TEC: variants seen among roughly 807,000 people sequenced by gnomAD.
TEC encodes tec protein tyrosine kinase, also known as tyrosine-protein kinase Tec.
In TEC, 72 loss-of-function variants were observed where a neutral mutation model predicts 93.0. That is an observed-to-expected ratio of 0.77 (90% CI 0.64 to 0.94). TEC has a LOEUF of 0.94. Ranked by LOEUF, TEC falls within the 40% of genes least tolerant of loss-of-function variation. The pLI is 0.00. For missense variants in TEC, 630 were observed against 757.9 expected, an observed-to-expected ratio of 0.83 and a Z score of 1.98; for synonymous variants, 249 against 247.7, an observed-to-expected ratio of 1.01 and a Z score of -0.05.
At chr4:48,159,842 C>G (rs1342468043) in intron 8 of TEC, among the ~76,000 whole-genome samples, 1 of 152,184 alleles carries the variant, frequency 6.6e-6, no homozygotes, top group African/African-American at 2.4e-5. Context: ...TGTGCCAAGC[C>G]CAGGCTCTTT....
chr4:48,204,095 T>C (rs1013242263), intron 2 of TEC, among the ~76,000 whole-genome samples: 5 of 152,234 alleles, frequency 3.3e-5, no homozygotes, highest in African/African-American at 1.2e-4. Flanking sequence ...ACTGCTATTC[T>C]TAGCCAGGCT....
At chr4:48,259,576 C>T (rs755373438) in intron 1 of TEC, among the ~76,000 whole-genome samples, 8 of 151,942 alleles carry the variant, frequency 5.3e-5, no homozygotes, top group Non-Finnish European at 1.0e-4. Flanking sequence ...AATAGCCGGG[C>T]GTGGTGGCAC....
intron 13 of TEC, 28 bp from the exon 14 acceptor site, chr4:48,145,323 C>T (rs375204563): frequency 6.0e-5 from 96 of 1,611,884 alleles, no homozygotes; most frequent in Non-Finnish European, 7.6e-5. Flanking sequence ...TATATAGTTA[C>T]TATAGGAAAA....
At chr4:48,202,505 G>A (rs1404144605) in intron 2 of TEC, among the ~76,000 whole-genome samples, 1 of 152,098 alleles carries the variant, frequency 6.6e-6, no homozygotes, top group Non-Finnish European at 1.5e-5. Context: ...GGCAGAGGTT[G>A]TAGTGAGCCA....
At chr4:48,144,918 C>T (rs1034957682) in intron 14 of TEC, among the ~76,000 whole-genome samples, 161 bp downstream of exon 14, 13 of 152,126 alleles carry the variant, frequency 8.5e-5, no homozygotes, top group East Asian at 1.9e-4. Flanking sequence ...AAAGATCTTT[C>T]GTTTAAAATT....
intron 9 of TEC, among the ~76,000 whole-genome samples, chr4:48,154,294 C>CT (rs1425658237): frequency 6.6e-6 from 1 of 152,184 alleles, no homozygotes; most frequent in Non-Finnish European, 1.5e-5. Flanking sequence ...GACATTTTGC[C>CT]TAGACCTACT....
At chr4:48,231,511 CT>C (rs2109643478) in intron 1 of TEC, among the ~76,000 whole-genome samples, 1 of 152,342 alleles carries the variant, frequency 6.6e-6, no homozygotes, top group South Asian at 2.1e-4. Flanking sequence ...AATCCCAGCA[CT>C]TTGGGAGGCC....
chr4:48,176,797 C>T (rs11945978), intron 2 of TEC, among the ~76,000 whole-genome samples: 57,640 of 151,920 alleles, frequency 0.38, 11,955 homozygotes, highest in East Asian at 0.9. Context: ...ACAATTTGTT[C>T]AACTTCTTCA....
intron 2 of TEC, among the ~76,000 whole-genome samples, chr4:48,218,070 T>C (rs1453636754): frequency 1.3e-5 from 2 of 151,884 alleles, no homozygotes; most frequent in Non-Finnish European, 2.9e-5. Context: ...CTTGAAGTGA[T>C]TAATGACAAG....
At chr4:48,187,434 T>TA (rs59244907) in intron 2 of TEC, among the ~76,000 whole-genome samples, 12,609 of 134,112 alleles carry the variant, frequency 0.094, 1,241 homozygotes, top group African/African-American at 0.24. Context: ...CAATAAATAC[T>TA]AAAAAAAAAA....
intron 2 of TEC, among the ~76,000 whole-genome samples, chr4:48,220,837 T>C (rs1577650606): frequency 6.6e-6 from 1 of 152,274 alleles, no homozygotes; most frequent in East Asian, 1.9e-4. Context: ...TTGAGTGTCC[T>C]ACAATTTAAC....
intron 2 of TEC, among the ~76,000 whole-genome samples, chr4:48,184,310 T>A (rs1721714591): frequency 6.6e-6 from 1 of 152,234 alleles, no homozygotes; most frequent in African/African-American, 2.4e-5. Context: ...TAACTTGGTA[T>A]CATTTAACTA....
chr4:48,222,711 A>G (rs1207888297), intron 2 of TEC, among the ~76,000 whole-genome samples: 1 of 151,886 alleles, frequency 6.6e-6, no homozygotes. Flanking sequence ...ATCCCATCTC[A>G]TCATCTCCTG....
At chr4:48,185,430 TG>T (rs1414976657) in intron 2 of TEC, among the ~76,000 whole-genome samples, 10 of 152,210 alleles carry the variant, frequency 6.6e-5, no homozygotes, top group Admixed American at 5.9e-4. Context: ...AGAAGTCAAA[TG>T]AATAGAATTT....
intron 2 of TEC, among the ~76,000 whole-genome samples, chr4:48,203,144 A>T (rs1454330410): frequency 6.6e-6 from 1 of 152,158 alleles, no homozygotes; most frequent in African/African-American, 2.4e-5. Flanking sequence ...CAGGGGGATC[A>T]CTTGAGGCCA....
At position 48,234,316 on chromosome 4, in the gene TEC, C is replaced by G. The variant is rs148480181; in HGVS notation, c.-45-5657G>C. ...TGGGGATGTAGCCAAAATACCAAAA[C>G]AAAGCAGGAAACCAAAAAAGCAAAA... On this transcript the variant is annotated intron_variant, in intron 1 of 17. Coordinates refer to ENST00000381501, the MANE Select transcript of TEC (RefSeq NM_003215.3). Among the ~76,000 whole-genome samples the G allele has an allele frequency of 4.9e-3, 746 of 152,226 alleles. 6 individuals are homozygous for G. Among genetic ancestry groups the G allele is most frequent in the African/African-American group, 0.017 (705 of 41,508 alleles).
intron 1 of TEC, among the ~76,000 whole-genome samples, chr4:48,260,747 TATAA>T (rs1296267001): frequency 9.9e-5 from 15 of 152,236 alleles, no homozygotes; most frequent in African/African-American, 3.4e-4. Flanking sequence ...ACTACCTGTG[TATAA>T]ATAAAGATTG....
intron 2 of TEC, among the ~76,000 whole-genome samples, chr4:48,192,116 C>T (rs1214934014): frequency 6.6e-6 from 1 of 152,172 alleles, no homozygotes; most frequent in Non-Finnish European, 1.5e-5. Context: ...CCCAAACATC[C>T]ATCAACAGGG....
chr4:48,189,298 C>T (rs1364898269), intron 2 of TEC, among the ~76,000 whole-genome samples: 2 of 151,956 alleles, frequency 1.3e-5, no homozygotes, highest in Non-Finnish European at 2.9e-5. Flanking sequence ...CTAACACGCT[C>T]CCAACACATG....
Sources: allele counts gnomAD v4.1 joint callset (sites outside exome capture counted in the v4.1 genomes callset), GRCh38; gene constraint gnomAD v4.1.1; transcripts MANE v1.5; gene names NCBI Gene and HGNC (gene_info 2026-07-23, HGNC 2026-07-21).